ZNF69: variants seen among roughly 807,000 people sequenced by gnomAD.
ZNF69 encodes the protein zinc finger protein 69.
In ZNF69, 47 loss-of-function variants were observed where a neutral mutation model predicts 50.9. The observed-to-expected ratio is 0.92, with a 90% CI of 0.73 to 1.18. The LOEUF (loss-of-function observed/expected upper bound fraction) is 1.18. ZNF69 is among the 50% of genes most tolerant of loss of function. The pLI is 0.00. For synonymous variants in ZNF69, 216 were observed against 223.1 expected (o/e 0.97, Z 0.29); for missense variants, 717 against 675.1 (o/e 1.06, Z -0.69).
At chr19:11,979,489 T>C in the ZNF69 span, 6 of 1,602,074 alleles carry the variant, frequency 3.7e-6, no homozygotes, top group Non-Finnish European at 5.1e-6. Flanking sequence ...AAGGCTTTTA[T>C]TCTCCCACGT....
intron 1 of ZNF69, among the ~76,000 whole-genome samples, chr19:11,898,016 A>G (rs909851072): frequency 6.6e-6 from 1 of 152,222 alleles, no homozygotes; most frequent in African/African-American, 2.4e-5. Flanking sequence ...GCATTCTAGA[A>G]TCTTACTAAA....
the ZNF69 span, among the ~76,000 whole-genome samples, chr19:11,936,320 C>G: frequency 6.6e-6 from 1 of 152,154 alleles, no homozygotes; most frequent in Non-Finnish European, 1.5e-5. Flanking sequence ...TAAAAGTGTT[C>G]CTATTTCTCC....
chr19:11,976,771 C>G, the ZNF69 span: 6 of 797,386 alleles, frequency 7.5e-6, no homozygotes, highest in Non-Finnish European at 1.0e-5. Flanking sequence ...GAGGCTGAGG[C>G]AGGAGAATCG....
At chr19:11,974,133 T>TC in the ZNF69 span, among the ~76,000 whole-genome samples, 5 of 115,464 alleles carry the variant, frequency 4.3e-5, no homozygotes, top group African/African-American at 1.4e-4. Context: ...TTCTTTTCTT[T>TC]CTTTCTTTCT....
rs140703884 is a variant in ZNF69, at chr19:11,903,365, G to A, written c.64-208G>A. ...AACCCCGGCAGTGAGCCGAGATCAC[G>A]CCATTGCACTCCAGCCTGGGCAATA... On this transcript the variant is annotated intron_variant, in intron 1 of 3. Coordinates refer to ENST00000429654, the MANE Select transcript of ZNF69 (RefSeq NM_001364730.1). Among the ~76,000 whole-genome samples the A allele has an allele frequency of 4.5e-4, 68 of 152,282 alleles. 1 individual carries two copies. The Middle Eastern group carries it at 0.014, about 30-fold the overall frequency.
At chr19:11,978,061 GATTAA>G in the ZNF69 span, 17 of 1,577,194 alleles carry the variant, frequency 1.1e-5, no homozygotes, top group Non-Finnish European at 1.4e-5. Flanking sequence ...TGCAATACTT[GATTAA>G]TACAAAATTA....
the ZNF69 span, chr19:11,950,007 T>C: frequency 3.1e-6 from 5 of 1,614,066 alleles, no homozygotes; most frequent in Non-Finnish European, 4.2e-6. Flanking sequence ...GTAAATTCTC[T>C]TCTTTTCAAA....
At chr19:11,974,121 CT>C in the ZNF69 span, among the ~76,000 whole-genome samples, 4 of 74,908 alleles carry the variant, frequency 5.3e-5, no homozygotes, top group Admixed American at 1.4e-4. Context: ...TTCTTTCTTT[CT>C]TTCTTTTCTT....
In ZNF69 at chr19:11,905,925, C is replaced by A; in HGVS notation, c.1528C>A (p.Gln510Lys). The A allele has an allele frequency of 6.2e-7, 1 of 1,613,988 alleles. No individual in the cohort carries two copies. The highest frequency in any genetic ancestry group is 8.5e-7 in the Non-Finnish European group (1 of 1,179,992). Reference protein sequence around the residue: ...HTGEKLYECKQCGEAFSSSSS... With the variant: ...HTGEKLYECKKCGEAFSSSSS... ...TGGAGAGAAACTCTATGAATGCAAG[C>A]AATGTGGTGAAGCCTTCAGTAGTTC... Residue 510 changes from glutamine to lysine, a missense_variant, in exon 4 of 4, where the codon CAA (glutamine) becomes AAA (lysine). Gln to Lys is a moderately conservative substitution (Grantham distance 53). Coordinates refer to ENST00000429654, the MANE Select transcript of ZNF69 (RefSeq NM_001364730.1).
chr19:11,933,895 C>A, the ZNF69 span, among the ~76,000 whole-genome samples: 7 of 146,688 alleles, frequency 4.8e-5, 1 homozygote, highest in Non-Finnish European at 7.4e-5. Context: ...GACAGGGTCT[C>A]AAACACCCCA....
the ZNF69 span, among the ~76,000 whole-genome samples, chr19:11,930,400 T>C: frequency 4.0e-5 from 6 of 148,374 alleles, no homozygotes; most frequent in Non-Finnish European, 8.8e-5. Flanking sequence ...TATATGTGAG[T>C]TGACCACATG....
downstream of ZNF69, among the ~76,000 whole-genome samples, chr19:11,907,098 T>G (rs1239777180): frequency 7.2e-5 from 11 of 151,884 alleles, no homozygotes; most frequent in Admixed American, 7.2e-4. Flanking sequence ...ATCAAATGGA[T>G]GAAATGAAGT....
chr19:11,925,149 A>C, the ZNF69 span: 1 of 1,595,750 alleles, frequency 6.3e-7, no homozygotes, highest in Admixed American at 1.7e-5. Flanking sequence ...GTAACCGGTC[A>C]GACCAGCCCG....
At chr19:11,948,967 T>C in the ZNF69 span, 5 of 1,608,188 alleles carry the variant, frequency 3.1e-6, no homozygotes, top group Non-Finnish European at 4.2e-6. Context: ...TGGAAAAGCA[T>C]TTGCATATAC....
chr19:11,958,019 G>A, the ZNF69 span, among the ~76,000 whole-genome samples: 1 of 152,272 alleles, frequency 6.6e-6, no homozygotes, highest in African/African-American at 2.4e-5. Flanking sequence ...TAACAAACGT[G>A]GCACCATCTA....
chr19:11,937,355 T>C, the ZNF69 span, among the ~76,000 whole-genome samples: 1 of 152,186 alleles, frequency 6.6e-6, no homozygotes, highest in Non-Finnish European at 1.5e-5. Flanking sequence ...TTATTTATTT[T>C]ATTACAGAGA....
the ZNF69 span, chr19:11,925,141 A>G: frequency 1.3e-6 from 2 of 1,581,412 alleles, no homozygotes; most frequent in African/African-American, 2.7e-5. Flanking sequence ...GGCGGTTGGT[A>G]ACCGGTCAGA....
chr19:11,976,736 CAT>C, the ZNF69 span: 1 of 423,418 alleles, frequency 2.4e-6, no homozygotes, highest in Admixed American at 4.9e-5. Flanking sequence ...TGTGGTGGCG[CAT>C]GCCTGTAATC....
the ZNF69 span, chr19:11,979,910 T>C: frequency 3.6e-6 from 5 of 1,387,922 alleles, no homozygotes; most frequent in South Asian, 1.2e-5. Flanking sequence ...ATGTAAGATA[T>C]GTGGGAAAGG....
Sources: allele counts gnomAD v4.1 joint callset (sites outside exome capture counted in the v4.1 genomes callset), GRCh38; gene constraint gnomAD v4.1.1; transcripts MANE v1.5; gene names NCBI Gene and HGNC (gene_info 2026-07-23, HGNC 2026-07-21).